The following NAALADL2 variants were observed in gnomAD, a reference collection of about 807,000 sequenced individuals.
NAALADL2 encodes inactive N-acetylated-alpha-linked acidic dipeptidase-like protein 2.
A neutral mutation model predicts 87.2 loss-of-function variants in NAALADL2; 76 were observed. The observed-to-expected ratio is 0.87, with a 90% CI of 0.72 to 1.05. The LOEUF (loss-of-function observed/expected upper bound fraction) is 1.05. NAALADL2 is among the 50% of genes least tolerant of loss of function. NAALADL2 has a pLI of 0.00. For missense variants in NAALADL2, 1,089 were observed against 945.8 expected, an observed-to-expected ratio of 1.15 and a Z score of -1.99; for synonymous variants, 354 against 331.0, an observed-to-expected ratio of 1.07 and a Z score of -0.75.
intron 13 of NAALADL2, among the ~76,000 whole-genome samples, chr3:175,777,955 C>T (rs557788486): frequency 1.3e-5 from 2 of 152,294 alleles, no homozygotes; most frequent in African/African-American, 2.4e-5. Flanking sequence ...CACATTTTCT[C>T]TAATAGTTAA....
chr3:175,716,533 A>G (rs1371322638), intron 11 of NAALADL2, among the ~76,000 whole-genome samples: 1 of 152,034 alleles, frequency 6.6e-6, no homozygotes, highest in Non-Finnish European at 1.5e-5. Context: ...TTAAAGGATG[A>G]GAATGAGTCA....
At chr3:174,615,044 G>A (rs1720320352) in intron 2 of NAALADL2, among the ~76,000 whole-genome samples, 1 of 152,196 alleles carries the variant, frequency 6.6e-6, no homozygotes, top group Admixed American at 6.5e-5. Context: ...TCACATAGGT[G>A]ACTGTTTTTC....
At chr3:174,610,572 C>T (rs1320813492) in intron 2 of NAALADL2, among the ~76,000 whole-genome samples, 4 of 152,096 alleles carry the variant, frequency 2.6e-5, no homozygotes, top group Admixed American at 6.5e-5. Context: ...AAAATGCTCA[C>T]CATCACTGGC....
intron 11 of NAALADL2, among the ~76,000 whole-genome samples, chr3:175,635,533 A>T (rs1728402901): frequency 6.6e-6 from 1 of 152,198 alleles, no homozygotes; most frequent in Non-Finnish European, 1.5e-5. Flanking sequence ...AATTAGTGTG[A>T]CAATTTTTTA....
chr3:174,832,688 G>A (rs189421156), intron 3 of NAALADL2, among the ~76,000 whole-genome samples: 1 of 152,012 alleles, frequency 6.6e-6, no homozygotes, highest in African/African-American at 2.4e-5. Context: ...AGATGGTCTC[G>A]ATCTCTTGAC....
At position 174,467,596 on chromosome 3, in the gene NAALADL2, T is replaced by TAA. The variant is rs58227642; in HGVS notation, c.-184+26590_-184+26591dup. ...TGACAGAGCAAGACTCCATCTCAGT[T>TAA]AAAAAAAAAAAAAAAAAAAAAAAAA... On this transcript the variant is annotated intron_variant, in intron 1 of 3. Transcript: ENST00000434257. 6.7e-4 allele frequency among the ~76,000 whole-genome samples: 40 copies of TAA among 59,586 alleles called. 1 individual carries two copies. The highest frequency in any genetic ancestry group is 9.7e-4 in the Admixed American group (4 of 4,108). The allele number at this position is 59,586 out of a possible 152,430, so 39.1% of individuals were successfully genotyped here.
chr3:175,741,807 T>G (rs968613883), intron 12 of NAALADL2, among the ~76,000 whole-genome samples: 1 of 152,146 alleles, frequency 6.6e-6, no homozygotes, highest in Non-Finnish European at 1.5e-5. Flanking sequence ...AAAAGACACA[T>G]TAACAAGTGT....
intron 2 of NAALADL2, among the ~76,000 whole-genome samples, chr3:175,168,400 T>C (rs1434521418): frequency 2.0e-5 from 3 of 151,840 alleles, no homozygotes; most frequent in African/African-American, 7.2e-5. Context: ...GAGACTTTTC[T>C]GGCATGTTAG....
chr3:175,447,442 A>T, intron 6 of NAALADL2, 70 bp downstream of exon 6: 3 of 1,059,722 alleles, frequency 2.8e-6, no homozygotes, highest in Non-Finnish European at 4.0e-6. Flanking sequence ...TTAATCTCCT[A>T]AATTGATGTA....
At chr3:175,283,895 C>T (rs1433972658) in intron 4 of NAALADL2, among the ~76,000 whole-genome samples, 1 of 152,042 alleles carries the variant, frequency 6.6e-6, no homozygotes, top group Non-Finnish European at 1.5e-5. Flanking sequence ...CAAGGAAGGC[C>T]TCAGATTCAC....
rs1754459921 is a variant in NAALADL2 at position 175,803,761 on chromosome 3, C to T, written c.*558C>T. The T allele has an allele frequency of 6.6e-6, 1 of 152,272 alleles. No individual in the cohort carries two copies. 9.4% of individuals were successfully genotyped at this position (152,272 alleles called of 1,614,324 possible). A position where few individuals can be genotyped will look rare whatever the true frequency, so the allele number is the denominator to read the frequency against. ...CTTAACACAACTAGATGTAGTAATA[C>T]ACTGGTTATGAAATTGTATTTTTTT... On this transcript the variant is annotated 3_prime_UTR_variant, in exon 14 of 14. Transcript: ENST00000454872.
chr3:175,607,152 G>A (rs1723869753), intron 10 of NAALADL2, among the ~76,000 whole-genome samples: 1 of 152,112 alleles, frequency 6.6e-6, no homozygotes, highest in Admixed American at 6.5e-5. Flanking sequence ...TCAGATGAGT[G>A]TTCCATTGAA....
At chr3:175,399,088 A>C (rs536116053) in intron 5 of NAALADL2, among the ~76,000 whole-genome samples, 3 of 152,166 alleles carry the variant, frequency 2.0e-5, no homozygotes, top group African/African-American at 7.2e-5. Flanking sequence ...TTTTTAACCT[A>C]GGTACTTTCT....
chr3:174,708,018 TCAATA>T (rs1282980642), intron 2 of NAALADL2, among the ~76,000 whole-genome samples: 10 of 152,130 alleles, frequency 6.6e-5, no homozygotes, highest in Admixed American at 1.3e-4. Flanking sequence ...TTCTTTTACT[TCAATA>T]CAAAAAAAAT....
intron 5 of NAALADL2, among the ~76,000 whole-genome samples, chr3:175,341,882 G>A (rs942792074): frequency 2.0e-5 from 3 of 151,934 alleles, no homozygotes; most frequent in Non-Finnish European, 4.4e-5. Flanking sequence ...TTATTCTTTT[G>A]CATGTGGATA....
At chr3:175,718,376 C>A (rs1741695586) in intron 11 of NAALADL2, 1 of 1,596,760 alleles carries the variant, frequency 6.3e-7, no homozygotes, top group African/African-American at 1.3e-5. Flanking sequence ...GTCCACCACT[C>A]CATTAGAACT....
chr3:174,790,376 G>A (rs1048663889), intron 3 of NAALADL2, among the ~76,000 whole-genome samples: 2 of 152,096 alleles, frequency 1.3e-5, no homozygotes, highest in South Asian at 2.1e-4. Context: ...AAGTTCAGGC[G>A]TGGTGGTTCA....
chr3:175,225,234 A>C lies in NAALADL2; in HGVS notation c.546-8697A>C, dbSNP rs73045221. 1.6e-3 allele frequency among the ~76,000 whole-genome samples: 250 copies of C among 152,312 alleles called. 3 individuals are homozygous for C. The highest frequency in any genetic ancestry group is 6.0e-3 in the South Asian group (29 of 4,834). ...CCCCATTATATAAAATTACCATTAC[A>C]TTTTAGTCAGTCTTGCAGAAGAACT... On this transcript the variant is annotated intron_variant, in intron 2 of 13. Coordinates refer to ENST00000454872, the MANE Select transcript of NAALADL2 (RefSeq NM_207015.3).
chr3:174,959,982 T>A (rs1741737911), intron 1 of NAALADL2, among the ~76,000 whole-genome samples: 1 of 152,020 alleles, frequency 6.6e-6, no homozygotes, highest in African/African-American at 2.4e-5. Flanking sequence ...TAAGTGAGTT[T>A]CCTGGCCAGC....
Sources: gnomAD v4.1 joint callset for allele counts (sites outside exome capture counted in the v4.1 genomes callset) on GRCh38, gnomAD v4.1.1 for gene constraint, MANE v1.5 for transcripts, NCBI Gene and HGNC (gene_info 2026-07-23, HGNC 2026-07-21) for gene names.